Variants in ESR1 observed in about 807,000 individuals in gnomAD.
ESR1 encodes the protein estrogen receptor.
In ESR1, 12 loss-of-function variants were observed where a neutral mutation model predicts 52.7. The ratio of observed to expected loss-of-function variants is 0.23; its 90% confidence interval spans 0.15 to 0.37. The LOEUF (loss-of-function observed/expected upper bound fraction) is 0.37. Ranked by LOEUF, ESR1 falls within the 10% of genes least tolerant of loss-of-function variation. The pLI, the probability that ESR1 is intolerant of heterozygous loss-of-function variation, is 1.00. For synonymous variants in ESR1, 305 were observed against 316.8 expected, an observed-to-expected ratio of 0.96 and a Z score of 0.39; for missense variants, 584 against 779.7, an observed-to-expected ratio of 0.75 and a Z score of 2.99.
chr6:152,009,045 C>A (rs1270070208), intron 4 of ESR1, among the ~76,000 whole-genome samples: 1 of 152,060 alleles, frequency 6.6e-6, no homozygotes, highest in East Asian at 1.9e-4. Context: ...AGACTAGTTC[C>A]TTTTGACCCA....
intron 2 of ESR1, among the ~76,000 whole-genome samples, chr6:151,746,440 G>A (rs1348249317): frequency 6.6e-6 from 1 of 152,086 alleles, no homozygotes; most frequent in Non-Finnish European, 1.5e-5. Context: ...CATTATTTTT[G>A]TGTTTTATAA....
At position 152,064,889 on chromosome 6, in the gene ESR1, C is replaced by T. The variant is rs149699754; in HGVS notation, c.1369+3765C>T. Among the ~76,000 whole-genome samples, 746 of 152,286 alleles carry T rather than the reference C, an allele frequency of 4.9e-3. 5 individuals carry two copies. Among genetic ancestry groups the T allele is most frequent in the African/African-American group, 0.017 (714 of 41,542 alleles). On this transcript the variant is annotated intron_variant, in intron 6 of 7. Transcript: ENST00000206249. ...ATGTATCATGCTCTTCAGTGCTCCA[C>T]AGATCTAGATGATATCAAATTATTA...
At chr6:151,841,606 TA>T (rs1784294174) in intron 1 of ESR1, among the ~76,000 whole-genome samples, 1 of 152,184 alleles carries the variant, frequency 6.6e-6, no homozygotes, top group Non-Finnish European at 1.5e-5. Flanking sequence ...CATTTTTTTT[TA>T]GCTTTCTACT....
At chr6:152,063,631 C>T (rs2047725145) in intron 6 of ESR1, among the ~76,000 whole-genome samples, 1 of 152,200 alleles carries the variant, frequency 6.6e-6, no homozygotes, top group Non-Finnish European at 1.5e-5. Context: ...TTTTTCTCCA[C>T]AACTGGAGAT....
At chr6:151,662,788 AAG>A (rs1209139542) in intron 1 of ESR1, among the ~76,000 whole-genome samples, 1 of 152,224 alleles carries the variant, frequency 6.6e-6, no homozygotes, top group Non-Finnish European at 1.5e-5. Flanking sequence ...AGTGGCAAAG[AAG>A]AGTTTTCGAA....
In ESR1 at chr6:152,093,354, T is replaced by TC. The variant is rs1562779234; in HGVS notation, c.1370-1031_1370-1030insC. 9.5e-4 allele frequency among the ~76,000 whole-genome samples: 80 copies of TC among 84,348 alleles called. 1 individual carries two copies. Among genetic ancestry groups the TC allele is most frequent in the South Asian group, 5.6e-3 (11 of 1,954 alleles). The allele number at this position is 84,348 out of a possible 152,430, so 55.3% of individuals were successfully genotyped here. A position where few individuals can be genotyped will look rare whatever the true frequency, so the allele number is the denominator to read the frequency against. On this transcript the variant is annotated intron_variant, in intron 6 of 7. Transcript: ENST00000206249. ...GATCTCTCTCTCTCTCTCTCTCTCT[T>TC]TCTCTCTCTCTCTCTCACCCCCCCA...
chr6:151,880,504 CAAG>C (rs1276354435), intron 2 of ESR1, 148 bp from the exon 3 acceptor site: 15 of 719,810 alleles, frequency 2.1e-5, no homozygotes, highest in African/African-American at 1.7e-4. Flanking sequence ...GTTTGCACTT[CAAG>C]AAGGACAGAA....
At chr6:151,657,381 C>T (rs1777490972) in intron 1 of ESR1, among the ~76,000 whole-genome samples, 1 of 152,112 alleles carries the variant, frequency 6.6e-6, no homozygotes, top group African/African-American at 2.4e-5. Context: ...AGTTTTCAAT[C>T]TATTGTTAAG....
intron 4 of ESR1, among the ~76,000 whole-genome samples, chr6:151,961,853 G>A (rs577797364): frequency 6.6e-6 from 1 of 152,298 alleles, no homozygotes; most frequent in Admixed American, 6.5e-5. Flanking sequence ...CCCACCCGGT[G>A]TTGGGTTGTG....
At chr6:151,766,978 C>G (rs541980727) in intron 2 of ESR1, among the ~76,000 whole-genome samples, 21 of 152,266 alleles carry the variant, frequency 1.4e-4, no homozygotes, top group African/African-American at 4.6e-4. Context: ...TCTTATCTTT[C>G]CAGACAACAG....
intron 4 of ESR1, among the ~76,000 whole-genome samples, chr6:151,979,210 T>C (rs1257588434): frequency 6.6e-6 from 1 of 152,114 alleles, no homozygotes. Context: ...ACGGTCCCAT[T>C]TTGAGGCACT....
chr6:151,799,509 G>A (rs1777022593), upstream of ESR1, among the ~76,000 whole-genome samples: 1 of 152,216 alleles, frequency 6.6e-6, no homozygotes, highest in South Asian at 2.1e-4. Context: ...GAGTTTACAA[G>A]TTCATTGTTC....
Position 151,871,689 on chromosome 6 carries a change from G to A in ESR1, c.644-8966G>A, listed in dbSNP as rs533393531. 2.0e-5 allele frequency among the ~76,000 whole-genome samples: 3 copies of A among 152,294 alleles called. No individual in the cohort carries two copies. In the South Asian group the frequency reaches 6.2e-4, roughly 32 times the overall value. The stretch of plus-strand genomic sequence containing the variant: ...CAAAATGCTGGGATTACAGGCATGA[G>A]CCACTGTGCCCGGCCAGCTCTGTGC... On this transcript the variant is annotated intron_variant, in intron 2 of 7. Coordinates refer to ENST00000206249, the MANE Select transcript of ESR1 (RefSeq NM_000125.4).
At chr6:152,015,578 T>G (rs534563629) in intron 5 of ESR1, among the ~76,000 whole-genome samples, 1 of 152,168 alleles carries the variant, frequency 6.6e-6, no homozygotes, top group African/African-American at 2.4e-5. Context: ...AAATATTTGT[T>G]AATTGCACTG....
intron 6 of ESR1, among the ~76,000 whole-genome samples, chr6:152,077,309 C>T (rs564155545): frequency 6.6e-6 from 1 of 152,324 alleles, no homozygotes; most frequent in South Asian, 2.1e-4. Context: ...TTGGGAACCT[C>T]CACTTATATT....
upstream of ESR1, among the ~76,000 whole-genome samples, chr6:151,802,906 C>T (rs531528797): frequency 5.9e-5 from 9 of 151,430 alleles, no homozygotes; most frequent in East Asian, 7.8e-4. Flanking sequence ...GCAGGAGAAT[C>T]GCTTGAACCC....
chr6:151,985,652 G>A (rs971526996), intron 4 of ESR1, among the ~76,000 whole-genome samples: 5 of 151,094 alleles, frequency 3.3e-5, no homozygotes, highest in Middle Eastern at 6.9e-3. Flanking sequence ...TGGGGCAATC[G>A]TCATAACTTT....
intron 4 of ESR1, among the ~76,000 whole-genome samples, chr6:151,972,160 A>G (rs1337866419): frequency 6.6e-6 from 1 of 152,108 alleles, no homozygotes; most frequent in African/African-American, 2.4e-5. Context: ...AATGATAATA[A>G]AAAAAATTGC....
intron 2 of ESR1, among the ~76,000 whole-genome samples, chr6:151,725,098 T>C (rs1202571671): frequency 6.6e-6 from 1 of 152,202 alleles, no homozygotes; most frequent in Non-Finnish European, 1.5e-5. Flanking sequence ...TTGTGTGTGA[T>C]CCCACGGAAT....
Sources: gnomAD v4.1 joint callset for allele counts (sites outside exome capture counted in the v4.1 genomes callset) on GRCh38, gnomAD v4.1.1 for gene constraint, MANE v1.5 for transcripts, NCBI Gene and HGNC (gene_info 2026-07-23, HGNC 2026-07-21) for gene names.